The following CRYBG1 variants were observed in gnomAD, a reference collection of about 807,000 sequenced individuals.
The protein encoded by CRYBG1 is beta/gamma crystallin domain-containing protein 1.
Under a neutral mutation model 189.2 loss-of-function variants are expected in CRYBG1, and 139 were observed. That is an observed-to-expected ratio of 0.73 (90% CI 0.64 to 0.85). The LOEUF is 0.85. Ranked by LOEUF, CRYBG1 falls within the 40% of genes least tolerant of loss-of-function variation. The probability of loss-of-function intolerance (pLI) is 0.00; values close to 1 mark genes in which losing one functional copy is unlikely to be tolerated. For missense variants in CRYBG1, 2,611 were observed against 2,675.8 expected (o/e 0.98, Z 0.53); for synonymous variants, 1,023 against 1,017.1 (o/e 1.01, Z -0.11).
At chr6:106,562,206 G>A (rs909605582) in intron 20 of CRYBG1, among the ~76,000 whole-genome samples, 3 of 152,196 alleles carry the variant, frequency 2.0e-5, no homozygotes, top group Admixed American at 6.5e-5. Flanking sequence ...AGTACAACTC[G>A]TTAATTGGGT....
rs752428600 is a variant in CRYBG1, at chr6:106,520,214, T to C, written c.3006T>C (p.Cys1002=). The C allele has an allele frequency of 5.0e-6, 8 of 1,614,156 alleles. No homozygotes were observed. The South Asian group carries it at 8.8e-5, about 18-fold the overall frequency. Residue 1002 remains cysteine, a synonymous_variant, in exon 4 of 22, where the codon TGT becomes TGC. Transcript: ENST00000633556. Reference sequence around the variant, plus strand: ...CTGAAGTGGTTTCCGTTGCAAGTTGTGCTCCCCCACAAGAGGAAGTACTGG... The same window carrying C: ...CTGAAGTGGTTTCCGTTGCAAGTTGCGCTCCCCCACAAGAGGAAGTACTGG... ...NEPEVVSVAS[C]APPQEEVLGN...
intron 2 of CRYBG1, among the ~76,000 whole-genome samples, chr6:106,505,850 A>C (rs1773121298): frequency 6.6e-6 from 1 of 152,150 alleles, no homozygotes; most frequent in Non-Finnish European, 1.5e-5. Flanking sequence ...CAGTTGACTC[A>C]TTCCCATGTG....
chr6:106,503,131 C>A (rs1253677878), intron 2 of CRYBG1, among the ~76,000 whole-genome samples: 1 of 152,164 alleles, frequency 6.6e-6, no homozygotes, highest in East Asian at 1.9e-4. Context: ...CACACCCAGC[C>A]ACACCCAACC....
chr6:106,521,086 C>T lies in CRYBG1; in HGVS notation c.3878C>T (p.Pro1293Leu), dbSNP rs778938706. 4 of 1,614,194 alleles carry T rather than the reference C, an allele frequency of 2.5e-6. No homozygotes were observed. The highest frequency in any genetic ancestry group is 3.4e-6 in the Non-Finnish European group (4 of 1,180,030). Residue 1293 changes from proline to leucine, a missense_variant, in exon 4 of 22, where the codon CCC becomes CTC. Pro to Leu is a moderately conservative substitution (Grantham distance 98). This residue lies in a region of CRYBG1 where 1,622 missense variants were observed against 1,735.0 expected (regional missense o/e 0.93). Coordinates refer to ENST00000633556, the MANE Select transcript of CRYBG1 (RefSeq NM_001371242.2). ...CAGCCCACGACTGAGGGTGCCCCGC[C>T]CTGTGGTTTGAACAAAGAACAGTCA... ...VSQPTTEGAP[P>L]CGLNKEQSNL...
At chr6:106,452,543 G>A (rs1771805893) in intron 2 of CRYBG1, among the ~76,000 whole-genome samples, 1 of 151,856 alleles carries the variant, frequency 6.6e-6, no homozygotes, top group Admixed American at 6.6e-5. Context: ...TATACAAACT[G>A]GGCTTTAATG....
chr6:106,369,702 T>C (rs1233712456), intron 1 of CRYBG1, among the ~76,000 whole-genome samples: 2 of 152,194 alleles, frequency 1.3e-5, no homozygotes, highest in African/African-American at 2.4e-5. Flanking sequence ...TGTGAAAACA[T>C]TGTTTCCCAT....
chr6:106,548,859 C>T (rs1216827306), intron 13 of CRYBG1, among the ~76,000 whole-genome samples: 2 of 151,056 alleles, frequency 1.3e-5, no homozygotes, highest in African/African-American at 2.4e-5. Context: ...CGTCATCTAG[C>T]ATTAGGTATA....
chr6:106,363,243 C>CAAAA lies in CRYBG1; in HGVS notation c.173+2183_173+2186dup, dbSNP rs57040798. Among the ~76,000 whole-genome samples, 27 of 111,124 alleles carry CAAAA rather than the reference C, an allele frequency of 2.4e-4. No homozygotes were observed. In the East Asian group the frequency reaches 4.4e-3, roughly 18 times the overall value. 72.9% of individuals were successfully genotyped at this position (111,124 alleles called of 152,430 possible). On this transcript the variant is annotated intron_variant, in intron 1 of 21. Coordinates refer to ENST00000633556, the MANE Select transcript of CRYBG1 (RefSeq NM_001371242.2). ...TGGGCGACAGAGCGAAACTCCGTCT[C>CAAAA]AAAAAAAAAAAAAAAAAAAAAAAAT...
intron 9 of CRYBG1, 184 bp from the exon 10 acceptor site, chr6:106,541,402 T>C (rs1035732645): frequency 1.4e-6 from 1 of 690,250 alleles, no homozygotes; most frequent in Non-Finnish European, 2.7e-6. Flanking sequence ...GGCTCCGTTC[T>C]AGCCTGCCTT....
intron 8 of CRYBG1, among the ~76,000 whole-genome samples, chr6:106,534,814 G>A (rs911439956): frequency 3.3e-5 from 5 of 152,038 alleles, no homozygotes; most frequent in African/African-American, 9.7e-5. Context: ...TTTTGGGGGC[G>A]GGGTGTGTGT....
chr6:106,512,913 C>T lies in CRYBG1; in HGVS notation c.1796C>T (p.Ala599Val). 6.2e-7 allele frequency: 1 copy of T among 1,606,356 alleles called. No individual in the cohort carries two copies. The highest frequency in any genetic ancestry group is 8.5e-7 in the Non-Finnish European group (1 of 1,176,728). Residue 599 changes from alanine (A) to valine (V), a missense_variant, in exon 3 of 22, where the codon GCA (alanine) becomes GTA (valine). Ala to Val is a moderately conservative substitution (Grantham distance 64). Around this residue, in one of 3 missense-constraint regions of CRYBG1, gnomAD observed 985 missense variants for 924.4 expected, o/e 1.07. Coordinates refer to ENST00000633556, the MANE Select transcript of CRYBG1 (RefSeq NM_001371242.2). ...CTCCCCAACCACTTCAACGGCCGGG[C>T]AGAGGGAGGTCGAAGCAGAGAGCTG... ...GPLPNHFNGR[A>V]EGGRSRELGR...
chr6:106,502,671 G>T (rs945222653), intron 2 of CRYBG1, among the ~76,000 whole-genome samples: 1 of 152,180 alleles, frequency 6.6e-6, no homozygotes, highest in Admixed American at 6.5e-5. Context: ...ACCTTCTGGG[G>T]TACTTGTTAG....
intron 1 of CRYBG1, among the ~76,000 whole-genome samples, chr6:106,450,769 G>A (rs890044870): frequency 1.3e-5 from 2 of 152,186 alleles, no homozygotes; most frequent in African/African-American, 4.8e-5. Context: ...TGGCCTGCAG[G>A]AAAGGGAAAC....
intron 2 of CRYBG1, among the ~76,000 whole-genome samples, chr6:106,473,885 C>T (rs1184409802): frequency 6.6e-6 from 1 of 152,194 alleles, no homozygotes; most frequent in Non-Finnish European, 1.5e-5. Flanking sequence ...ACTTGTCCTA[C>T]ATAAACTGAG....
chr6:106,552,019 T>G, intron 14 of CRYBG1, 41 bp downstream of exon 14: 2 of 1,548,726 alleles, frequency 1.3e-6, no homozygotes, highest in Non-Finnish European at 1.8e-6. Flanking sequence ...TTAACTGAAT[T>G]CTGGATTTCC....
At chr6:106,430,839 G>A (rs573665121) in intron 1 of CRYBG1, among the ~76,000 whole-genome samples, 6 of 152,158 alleles carry the variant, frequency 3.9e-5, no homozygotes, top group African/African-American at 1.4e-4. Context: ...GTACAGAGAG[G>A]GGGCAATTGT....
intron 1 of CRYBG1, among the ~76,000 whole-genome samples, chr6:106,410,400 A>T (rs933255023): frequency 2.0e-5 from 3 of 152,242 alleles, no homozygotes; most frequent in Non-Finnish European, 4.4e-5. Flanking sequence ...ATGTGGAGAA[A>T]TAGGAACACT....
intron 2 of CRYBG1, among the ~76,000 whole-genome samples, chr6:106,459,508 A>G (rs951730364): frequency 1.3e-5 from 2 of 151,622 alleles, no homozygotes; most frequent in Non-Finnish European, 2.9e-5. Context: ...GAGAGAAAAA[A>G]GTCTAAATGG....
intron 3 of CRYBG1, among the ~76,000 whole-genome samples, chr6:106,518,883 C>G (rs1773503341): frequency 6.6e-6 from 1 of 151,966 alleles, no homozygotes; most frequent in Non-Finnish European, 1.5e-5. Context: ...TGCCTGAGCC[C>G]AGGAGTTCGA....
Sources: gnomAD v4.1 joint callset for allele counts (sites outside exome capture counted in the v4.1 genomes callset) on GRCh38, gnomAD v4.1.1 for gene constraint, gnomAD v4.1.1 regional missense constraint, MANE v1.5 for transcripts, NCBI Gene and HGNC (gene_info 2026-07-23, HGNC 2026-07-21) for gene names.